The following RBFOX3 variants were observed in gnomAD, a reference collection of about 807,000 sequenced individuals.
RBFOX3 encodes RNA binding protein fox-1 homolog 3.
A neutral mutation model predicts 48.7 loss-of-function variants in RBFOX3; 17 were observed. That is an observed-to-expected ratio of 0.35 (90% CI 0.24 to 0.52). The LOEUF (loss-of-function observed/expected upper bound fraction) is 0.52, where lower values mean the gene tolerates loss of function less well. Among genes scored for constraint, RBFOX3 ranks in the 20% least tolerant of loss-of-function variants. RBFOX3 has a pLI of 0.94. For synonymous variants in RBFOX3, 212 were observed against 209.5 expected (o/e 1.01, Z -0.10); for missense variants, 382 against 497.5 (o/e 0.77, Z 2.21).
In RBFOX3 at chr17:79,437,054, C is replaced by T. The variant is rs546212562; in HGVS notation, c.-175+45400G>A. Among the ~76,000 whole-genome samples the T allele has an allele frequency of 4.5e-4, 69 of 152,236 alleles. No individual in the cohort carries two copies. The East Asian group carries it at 0.011, about 23-fold the overall frequency. On this transcript the variant is annotated intron_variant, in intron 2 of 14. Coordinates refer to ENST00000693108, the MANE Select transcript of RBFOX3 (RefSeq NM_001350451.2). ...GAATAATTTCAATCAGCCTACAGGCCGCCCCGATTCCCTTCTCCAACAGGG... is the reference window on the plus strand; with the variant it reads ...GAATAATTTCAATCAGCCTACAGGCTGCCCCGATTCCCTTCTCCAACAGGG...
chr17:79,279,887 T>A (rs1444157462), intron 3 of RBFOX3, among the ~76,000 whole-genome samples: 1 of 152,196 alleles, frequency 6.6e-6, no homozygotes, highest in Non-Finnish European at 1.5e-5. Flanking sequence ...CTGGAAGGTC[T>A]TAACAACTCC....
chr17:79,169,849 C>T (rs543574895), intron 4 of RBFOX3, among the ~76,000 whole-genome samples: 1 of 151,550 alleles, frequency 6.6e-6, no homozygotes, highest in Admixed American at 6.6e-5. Context: ...CCGTATACTT[C>T]ATAAGGGTAA....
At chr17:79,499,302 C>T (rs575290625) in intron 1 of RBFOX3, among the ~76,000 whole-genome samples, 5 of 152,036 alleles carry the variant, frequency 3.3e-5, no homozygotes, top group African/African-American at 1.2e-4. Context: ...TATTCATCCA[C>T]TATTCATTCA....
At chr17:79,455,620 C>T (rs990991846) in intron 2 of RBFOX3, among the ~76,000 whole-genome samples, 15 of 152,264 alleles carry the variant, frequency 9.9e-5, no homozygotes, top group East Asian at 1.9e-4. Context: ...CACTCACATG[C>T]GCACACGTTC....
intron 2 of RBFOX3, among the ~76,000 whole-genome samples, chr17:79,449,709 C>T (rs545304585): frequency 2.4e-4 from 37 of 151,036 alleles, no homozygotes; most frequent in South Asian, 6.3e-4. Context: ...CGTTACATTC[C>T]GGATGCTGGA....
intron 2 of RBFOX3, among the ~76,000 whole-genome samples, chr17:79,379,321 C>T (rs376053497): frequency 3.0e-4 from 46 of 152,288 alleles, no homozygotes; most frequent in African/African-American, 1.1e-3. Flanking sequence ...GGACTCAGGT[C>T]TCGGGGATGA....
chr17:79,584,693 C>A (rs1196507219), intron 1 of RBFOX3, among the ~76,000 whole-genome samples: 1 of 152,148 alleles, frequency 6.6e-6, no homozygotes, highest in Non-Finnish European at 1.5e-5. Flanking sequence ...ATCGTATGTT[C>A]ACACCCATCT....
rs147203795 is a variant in RBFOX3, at chr17:79,311,867, C to A, written c.-174-4043G>T. ...CTTGGGGGCAAGGACAGCATTCTCA[C>A]GAACCTGGAACAAACCGGCCCTCCT... On this transcript the variant is annotated intron_variant, in intron 2 of 14. Coordinates refer to ENST00000693108, the MANE Select transcript of RBFOX3 (RefSeq NM_001350451.2). The surrounding 1 kb of genome is among the most constrained non-coding windows in gnomAD (Gnocchi z 4.2). Among the ~76,000 whole-genome samples the A allele has an allele frequency of 6.6e-6, 1 of 152,106 alleles. No individual in the cohort carries two copies. Among genetic ancestry groups the A allele is most frequent in the Non-Finnish European group, 1.5e-5 (1 of 68,014 alleles).
intron 2 of RBFOX3, among the ~76,000 whole-genome samples, chr17:79,349,358 A>G (rs1288707964): frequency 1.3e-5 from 2 of 151,308 alleles, no homozygotes. Flanking sequence ...GTCTGGGGTC[A>G]CTCTCATTTG....
At chr17:79,520,868 C>T (rs1476497297) in intron 1 of RBFOX3, among the ~76,000 whole-genome samples, 1 of 152,218 alleles carries the variant, frequency 6.6e-6, no homozygotes, top group African/African-American at 2.4e-5. Flanking sequence ...CCCCATGCTG[C>T]AAGAGGTCCC....
chr17:79,176,106 C>G (rs1172887471), intron 4 of RBFOX3, among the ~76,000 whole-genome samples: 1 of 152,208 alleles, frequency 6.6e-6, no homozygotes, highest in Non-Finnish European at 1.5e-5. Context: ...AACGGCAGCT[C>G]CAGGAGGAAT....
intron 2 of RBFOX3, among the ~76,000 whole-genome samples, chr17:79,412,451 C>T (rs747969879): frequency 2.7e-5 from 4 of 149,152 alleles, no homozygotes; most frequent in East Asian, 4.0e-4. Flanking sequence ...TATGTGTGAG[C>T]GTATTGTGTA....
intron 4 of RBFOX3, among the ~76,000 whole-genome samples, chr17:79,137,784 G>A (rs936198154): frequency 8.5e-5 from 13 of 152,172 alleles, no homozygotes; most frequent in African/African-American, 3.1e-4. Context: ...TTTAATTAAT[G>A]AAGTTTTTGG....
At chr17:79,621,624 T>C in the RBFOX3 span, among the ~76,000 whole-genome samples, 1 of 152,220 alleles carries the variant, frequency 6.6e-6, no homozygotes, top group Non-Finnish European at 1.5e-5. Context: ...GTCGGGTCAA[T>C]GTCAGTTTCA....
chr17:79,553,823 C>G (rs2091371129), intron 1 of RBFOX3, among the ~76,000 whole-genome samples: 1 of 152,168 alleles, frequency 6.6e-6, no homozygotes, highest in Non-Finnish European at 1.5e-5. Flanking sequence ...ACCTCTGCCT[C>G]CTGGGTGCAA....
At chr17:79,655,233 C>T in the RBFOX3 span, among the ~76,000 whole-genome samples, 3 of 152,158 alleles carry the variant, frequency 2.0e-5, no homozygotes, top group Non-Finnish European at 4.4e-5. Flanking sequence ...TGACCTAAGT[C>T]CGCAGGGGGA....
chr17:79,507,687 A>G (rs944637824), intron 1 of RBFOX3, among the ~76,000 whole-genome samples: 164 of 152,310 alleles, frequency 1.1e-3, no homozygotes, highest in African/African-American at 3.5e-3. Flanking sequence ...TTGCATCCTC[A>G]GGAGATGTCC....
chr17:79,173,632 C>T (rs1029483939), intron 4 of RBFOX3, among the ~76,000 whole-genome samples: 9 of 152,156 alleles, frequency 5.9e-5, no homozygotes, highest in Admixed American at 3.9e-4. Flanking sequence ...GCACTGGATG[C>T]GCCAGCGGGT....
chr17:79,299,973 C>T lies in RBFOX3; in HGVS notation c.-74+7751G>A, dbSNP rs1330146202. ...AGGCTGGAGTGCAGTGGCATGATCT[C>T]GGCTCACTGCAACCTCTGCCTCCCG... is the stretch of plus-strand genomic sequence containing the variant. On this transcript the variant is annotated intron_variant, in intron 3 of 14. Coordinates refer to ENST00000693108, the MANE Select transcript of RBFOX3 (RefSeq NM_001350451.2). This position sits in a 1 kb window ranked among gnomAD's most constrained non-coding sequence, Gnocchi z 4.5. Among the ~76,000 whole-genome samples the T allele has an allele frequency of 2.0e-5, 3 of 151,634 alleles. No individual in the cohort carries two copies. The highest frequency in any genetic ancestry group is 2.1e-4 in the South Asian group (1 of 4,792).
Sources: allele counts gnomAD v4.1 joint callset (sites outside exome capture counted in the v4.1 genomes callset), GRCh38; gene constraint gnomAD v4.1.1; non-coding constraint Gnocchi (gnomAD v3.1); transcripts MANE v1.5; gene names NCBI Gene and HGNC (gene_info 2026-07-23, HGNC 2026-07-21).